The following VEZT variants were observed in gnomAD, a reference collection of about 807,000 sequenced individuals.
The protein encoded by VEZT is vezatin.
A neutral mutation model predicts 79.9 loss-of-function variants in VEZT; 39 were observed. The ratio of observed to expected loss-of-function variants is 0.49; its 90% CI spans 0.38 to 0.64. The LOEUF (loss-of-function observed/expected upper bound fraction) is 0.64, where lower values mean the gene tolerates loss of function less well. Ranked by LOEUF, VEZT falls within the 30% of genes least tolerant of loss-of-function variation. The probability of loss-of-function intolerance (pLI) is 0.00; values close to 1 mark genes in which losing one functional copy is unlikely to be tolerated. For synonymous variants in VEZT, 325 were observed against 327.6 expected, an observed-to-expected ratio of 0.99 and a Z score of 0.09; for missense variants, 837 against 893.1, an observed-to-expected ratio of 0.94 and a Z score of 0.80.
At chr12:95,269,997 T>G (rs1264221409) in intron 5 of VEZT, 54 bp from the exon 6 acceptor site, 2 of 1,566,726 alleles carry the variant, frequency 1.3e-6, no homozygotes, top group African/African-American at 2.7e-5. Flanking sequence ...AAACAAAAAC[T>G]TTAGGACACC....
intron 7 of VEZT, 45 bp downstream of exon 7, chr12:95,274,934 A>C: frequency 1.3e-6 from 2 of 1,594,408 alleles, no homozygotes; most frequent in Non-Finnish European, 1.7e-6. Flanking sequence ...AAATAGATGC[A>C]CTTGGATTGT....
At chr12:95,297,556 T>G (rs1394416839) in intron 11 of VEZT, among the ~76,000 whole-genome samples, 1 of 152,148 alleles carries the variant, frequency 6.6e-6, no homozygotes, top group African/African-American at 2.4e-5. Flanking sequence ...TGACTTCCAT[T>G]TTCAGTACTT....
At chr12:95,254,264 A>G (rs1038112078) in intron 2 of VEZT, among the ~76,000 whole-genome samples, 1 of 148,462 alleles carries the variant, frequency 6.7e-6, no homozygotes, top group Non-Finnish European at 1.5e-5. Context: ...GATGTGAGCC[A>G]CCACACCCAG....
chr12:95,281,152 G>A (rs551817700), intron 7 of VEZT, among the ~76,000 whole-genome samples: 7 of 152,000 alleles, frequency 4.6e-5, no homozygotes, highest in Middle Eastern at 3.4e-3. Flanking sequence ...CATTTGTTTC[G>A]GAGATATTGT....
At chr12:95,226,863 T>C (rs2058565159) in intron 1 of VEZT, among the ~76,000 whole-genome samples, 2 of 152,236 alleles carry the variant, frequency 1.3e-5, no homozygotes, top group African/African-American at 2.4e-5. Context: ...TCCATTATAT[T>C]GGAGCCTGAC....
chr12:95,245,124 C>T (rs1019304542), intron 1 of VEZT, among the ~76,000 whole-genome samples: 1 of 152,140 alleles, frequency 6.6e-6, no homozygotes, highest in East Asian at 1.9e-4. Context: ...ATCCCAGCTA[C>T]TTGGGAGGCT....
At chr12:95,298,149 A>G (rs2074566231) in intron 11 of VEZT, among the ~76,000 whole-genome samples, 1 of 151,316 alleles carries the variant, frequency 6.6e-6, no homozygotes, top group Admixed American at 6.6e-5. Context: ...AATAATAATA[A>G]TAATTCATGC....
chr12:95,231,400 A>G (rs1235667431), intron 1 of VEZT: 2 of 152,070 alleles, frequency 1.3e-5, no homozygotes, highest in African/African-American at 4.8e-5. Flanking sequence ...ACGCCCTCCA[A>G]TTCAGTGGCC....
chr12:95,262,336 T>G (rs77026021), intron 3 of VEZT: 1 of 152,234 alleles, frequency 6.6e-6, no homozygotes, highest in African/African-American at 2.4e-5. Context: ...ATAGAAGATA[T>G]TCCTTGATAG....
At chr12:95,243,923 C>G in intron 1 of VEZT, 1 of 455,908 alleles carries the variant, frequency 2.2e-6, no homozygotes, top group Non-Finnish European at 4.4e-6. Flanking sequence ...CTTTGACCTT[C>G]TACCATATTA....
At chr12:95,230,822 T>G (rs1403297135) in intron 1 of VEZT, among the ~76,000 whole-genome samples, 1 of 152,192 alleles carries the variant, frequency 6.6e-6, no homozygotes, top group African/African-American at 2.4e-5. Context: ...TAGCTAGATT[T>G]CAAATAATAT....
intron 11 of VEZT, among the ~76,000 whole-genome samples, chr12:95,297,293 C>A (rs969314477): frequency 1.4e-4 from 22 of 152,280 alleles, no homozygotes; most frequent in African/African-American, 4.8e-4. Context: ...GATTCTCTTC[C>A]ATTTTACAGT....
intron 1 of VEZT, among the ~76,000 whole-genome samples, chr12:95,245,330 C>T (rs756563966): frequency 6.6e-6 from 1 of 152,178 alleles, no homozygotes; most frequent in Non-Finnish European, 1.5e-5. Flanking sequence ...CCATAGCATT[C>T]TTACTTTGTA....
intron 1 of VEZT, among the ~76,000 whole-genome samples, chr12:95,228,924 C>T (rs939640428): frequency 3.3e-5 from 5 of 152,076 alleles, no homozygotes; most frequent in African/African-American, 1.2e-4. Flanking sequence ...ATTGCTTGAG[C>T]CCAGGAGGTT....
chr12:95,299,719 A>G (rs1384242769), intron 11 of VEZT: 1 of 152,564 alleles, frequency 6.6e-6, no homozygotes, highest in Admixed American at 6.6e-5. Context: ...CCCTAATACA[A>G]TGGTTCTCAA....
chr12:95,274,973 G>A (rs765013285), intron 7 of VEZT, 84 bp downstream of exon 7: 65 of 1,478,064 alleles, frequency 4.4e-5, no homozygotes, highest in South Asian at 1.0e-4. Context: ...TAAATAGTGC[G>A]TTTGTTCCAC....
At chr12:95,235,947 CG>C (rs1566020966) in intron 1 of VEZT, among the ~76,000 whole-genome samples, 1 of 150,560 alleles carries the variant, frequency 6.6e-6, no homozygotes, top group Admixed American at 6.6e-5. Flanking sequence ...GGATGGCGGC[CG>C]GGAAGAGGCG....
chr12:95,242,731 G>T (rs2061198850), intron 1 of VEZT, among the ~76,000 whole-genome samples: 1 of 152,048 alleles, frequency 6.6e-6, no homozygotes, highest in Admixed American at 6.6e-5. Flanking sequence ...AAGTCAGCTG[G>T]GCGTGGTGGC....
In VEZT at chr12:95,225,761, C is replaced by CAAAAAA. The variant is rs531470163; in HGVS notation, c.36+7902_36+7907dup. On this transcript the variant is annotated intron_variant, in intron 1 of 11. Transcript: ENST00000436874. Reference sequence around the variant, plus strand: ...TTGCCTCCACAGCTTTGTTTCATAGCAAAAAAAAAAAAAAAAAAAAAAAAA... The same window carrying CAAAAAA: ...TTGCCTCCACAGCTTTGTTTCATAGCAAAAAAAAAAAAAAAAAAAAAAAAAAAAAAA... 4.7e-4 allele frequency among the ~76,000 whole-genome samples: 19 copies of CAAAAAA among 40,860 alleles called. 2 individuals are homozygous for CAAAAAA. Among genetic ancestry groups the CAAAAAA allele is most frequent in the Admixed American group, 1.5e-3 (4 of 2,684 alleles). The allele number at this position is 40,860 out of a possible 152,430, so 26.8% of individuals were successfully genotyped here.
Sources: allele counts gnomAD v4.1 joint callset (sites outside exome capture counted in the v4.1 genomes callset), GRCh38; gene constraint gnomAD v4.1.1; transcripts MANE v1.5; gene names NCBI Gene and HGNC (gene_info 2026-07-23, HGNC 2026-07-21).